NEK10: variants seen among roughly 807,000 people sequenced by gnomAD.
NEK10 encodes serine/threonine-protein kinase Nek10.
In NEK10, 122 loss-of-function variants were observed where a neutral mutation model predicts 159.8. The ratio of observed to expected loss-of-function variants is 0.76; its 90% CI spans 0.66 to 0.89. The LOEUF (loss-of-function observed/expected upper bound fraction) is 0.89. Among genes scored for constraint, NEK10 ranks in the 40% least tolerant of loss-of-function variants. The pLI is 0.00. For missense variants in NEK10, 1,342 were observed against 1,323.1 expected, an observed-to-expected ratio of 1.01 and a Z score of -0.22; for synonymous variants, 466 against 457.1, an observed-to-expected ratio of 1.02 and a Z score of -0.25.
At chr3:27,132,124 A>T (rs111914359) in intron 31 of NEK10, 134 bp from the exon 32 acceptor site, 33 of 429,574 alleles carry the variant, frequency 7.7e-5, no homozygotes, top group African/African-American at 6.1e-4. Flanking sequence ...ATTTTACTGC[A>T]AATAGCATGA....
At chr3:27,321,607 A>C (rs1312983181) in intron 6 of NEK10, among the ~76,000 whole-genome samples, 1 of 152,174 alleles carries the variant, frequency 6.6e-6, no homozygotes, top group Non-Finnish European at 1.5e-5. Context: ...TGGGAGGTGG[A>C]GAGTGCTAGG....
chr3:27,212,352 A>C (rs1185710365), intron 23 of NEK10, among the ~76,000 whole-genome samples: 1 of 142,324 alleles, frequency 7.0e-6, no homozygotes, highest in African/African-American at 2.5e-5. Context: ...TGCTCAAAAA[A>C]TGCTGCACAA....
At chr3:27,270,544 A>T (rs1340316851) in intron 22 of NEK10, among the ~76,000 whole-genome samples, 1 of 152,132 alleles carries the variant, frequency 6.6e-6, no homozygotes, top group Non-Finnish European at 1.5e-5. Context: ...TTTCTGGGGA[A>T]TGTGTTACCC....
chr3:27,172,081 G>A (rs1235644318), intron 28 of NEK10, among the ~76,000 whole-genome samples: 1 of 152,006 alleles, frequency 6.6e-6, no homozygotes, highest in Admixed American at 6.5e-5. Flanking sequence ...GCTCACACCT[G>A]TAATCCCAGC....
At chr3:27,234,585 T>C (rs556251111) in intron 23 of NEK10, among the ~76,000 whole-genome samples, 49 of 152,252 alleles carry the variant, frequency 3.2e-4, no homozygotes, top group African/African-American at 1.2e-3. Context: ...TAAGGAGAAC[T>C]ACAAACCACT....
At chr3:27,202,297 A>G (rs1166719855) in intron 24 of NEK10, 131 bp downstream of exon 24, 5 of 705,942 alleles carry the variant, frequency 7.1e-6, no homozygotes, top group Non-Finnish European at 8.5e-6. Context: ...AATAAACTGG[A>G]TCATGCAGTT....
chr3:27,194,827 T>G (rs140509475), intron 25 of NEK10, among the ~76,000 whole-genome samples: 61 of 152,314 alleles, frequency 4.0e-4, no homozygotes, highest in African/African-American at 1.4e-3. Context: ...GTTCTTCCTT[T>G]TTAAAAAGTA....
In NEK10 at chr3:27,202,509, C is replaced by T; in HGVS notation, c.2139G>A (p.Trp713Ter). The T allele has an allele frequency of 6.2e-7, 1 of 1,612,780 alleles. No homozygotes were observed. Among genetic ancestry groups the T allele is most frequent in the Non-Finnish European group, 8.5e-7 (1 of 1,179,292 alleles). The stretch of plus-strand genomic sequence containing the variant: ...TCTGATAAAGGATGCAGCCTACTGC[C>T]CAGACATCAGCCTTCTCCCCATACG... Reference protein sequence around the residue: ...SEPYGEKADVWAVGCILYQMA... With the variant: ...SEPYGEKADV Residue 713 changes from tryptophan to a stop codon, truncating the protein, a stop_gained, in exon 24 of 36, where the codon TGG (tryptophan) becomes TGA (stop). Transcript: ENST00000691995. LOFTEE classifies it high-confidence loss of function.
At chr3:27,296,583 T>C (rs2043368514) in intron 14 of NEK10, among the ~76,000 whole-genome samples, 1 of 152,182 alleles carries the variant, frequency 6.6e-6, no homozygotes, top group South Asian at 2.1e-4. Flanking sequence ...TAAAATTCAC[T>C]AAGTAGGAGG....
intron 31 of NEK10, among the ~76,000 whole-genome samples, chr3:27,141,175 A>G (rs930607181): frequency 3.3e-5 from 5 of 152,166 alleles, no homozygotes; most frequent in Non-Finnish European, 7.3e-5. Flanking sequence ...GCTGCTTAAG[A>G]GCAAAGAATC....
intron 13 of NEK10, among the ~76,000 whole-genome samples, chr3:27,299,731 G>A (rs1349075960): frequency 2.0e-5 from 3 of 152,220 alleles, no homozygotes; most frequent in East Asian, 1.9e-4. Context: ...TAGCATCAGC[G>A]TGACCCAGAT....
intron 30 of NEK10, among the ~76,000 whole-genome samples, chr3:27,153,264 G>A (rs1373609999): frequency 1.3e-5 from 2 of 150,476 alleles, no homozygotes; most frequent in Non-Finnish European, 2.9e-5. Flanking sequence ...AGCTTGCAGT[G>A]AGCCAAGATC....
chr3:27,211,013 A>T (rs1053055395), intron 23 of NEK10, among the ~76,000 whole-genome samples: 4 of 152,230 alleles, frequency 2.6e-5, no homozygotes, highest in African/African-American at 9.6e-5. Flanking sequence ...CATAACAGTA[A>T]AAAGCAGAAG....
At chr3:27,323,796 C>T (rs2149671861) in intron 5 of NEK10, among the ~76,000 whole-genome samples, 1 of 152,308 alleles carries the variant, frequency 6.6e-6, no homozygotes, top group East Asian at 1.9e-4. Flanking sequence ...GATTTAGTTG[C>T]ATCCTTCAAA....
chr3:27,310,694 T>A, intron 9 of NEK10: 1 of 350,632 alleles, frequency 2.9e-6, no homozygotes, highest in East Asian at 4.6e-5. Context: ...ATTTAAGTAA[T>A]AAACCTAGTT....
chr3:27,351,948 T>A (rs1411245275), intron 3 of NEK10, among the ~76,000 whole-genome samples: 1 of 151,916 alleles, frequency 6.6e-6, no homozygotes, highest in Non-Finnish European at 1.5e-5. Flanking sequence ...GAAGTACCAT[T>A]TTTTCTCTAA....
At chr3:27,261,743 T>C (rs1483480078) in intron 22 of NEK10, among the ~76,000 whole-genome samples, 1 of 152,228 alleles carries the variant, frequency 6.6e-6, no homozygotes, top group Non-Finnish European at 1.5e-5. Flanking sequence ...TTAGGTCTGC[T>C]TGGTGCAGAG....
chr3:27,123,544 G>A (rs1393930729), intron 32 of NEK10, among the ~76,000 whole-genome samples: 1 of 152,088 alleles, frequency 6.6e-6, no homozygotes, highest in East Asian at 1.9e-4. Context: ...ATTATTTTGT[G>A]CCAAGCACAG....
In NEK10 at chr3:27,174,794, C is replaced by A. The variant is rs901481418; in HGVS notation, c.2545G>T (p.Gly849Ter). 2.5e-6 allele frequency: 4 copies of A among 1,608,528 alleles called. No homozygotes were observed. The African/African-American group carries it at 4.0e-5, about 16-fold the overall frequency. ...AGTTCACTTTTCAGGCTGGCTGCTC[C>A]ACTGCTGCTGCTACTCAAACTTGCC... Reference protein sequence around the residue: ...EKASLSSSSSGAASLKSELSE... With the variant: ...EKASLSSSSS Residue 849 changes from glycine (G) to a stop codon, truncating the protein, a stop_gained, in exon 27 of 36, where the codon GGA becomes TGA. Coordinates refer to ENST00000691995, the MANE Select transcript of NEK10 (RefSeq NM_001394966.1). LOFTEE classifies it high-confidence loss of function.
Sources: allele counts gnomAD v4.1 joint callset (sites outside exome capture counted in the v4.1 genomes callset), GRCh38; gene constraint gnomAD v4.1.1; transcripts MANE v1.5; gene names NCBI Gene and HGNC (gene_info 2026-07-23, HGNC 2026-07-21).